MIR2052HG: variants seen among roughly 807,000 people sequenced by gnomAD.
MIR2052HG encodes the protein MIR2052 host gene.
At chr8:74,601,423 CTGCT>C (rs1172894351) in intron 1 of MIR2052HG, among the ~76,000 whole-genome samples, 1 of 152,172 alleles carries the variant, frequency 6.6e-6, no homozygotes, top group African/African-American at 2.4e-5. Context: ...CCTACAGAGA[CTGCT>C]TGACTCCCTC....
At position 74,754,045 on chromosome 8, in the gene MIR2052HG, C is replaced by T. The variant is rs966155937; in HGVS notation, n.464+1512C>T. Among the ~76,000 whole-genome samples the T allele has an allele frequency of 2.6e-5, 4 of 152,250 alleles. No individual in the cohort carries two copies. In the South Asian group the frequency reaches 8.3e-4, roughly 32 times the overall value. On this transcript the variant is annotated intron_variant and non_coding_transcript_variant, in intron 5 of 6. Coordinates refer to ENST00000523442, the Ensembl canonical transcript of MIR2052HG. ...AGTTAGGACATGAGCTCTGAATCAGCCTTTGCTTTACCTGTCTCACTTTTT... is the reference window on the plus strand; with the variant it reads ...AGTTAGGACATGAGCTCTGAATCAGTCTTTGCTTTACCTGTCTCACTTTTT...
chr8:74,685,952 T>A (rs1410481239), intron 2 of MIR2052HG, among the ~76,000 whole-genome samples: 1 of 152,030 alleles, frequency 6.6e-6, no homozygotes, highest in Non-Finnish European at 1.5e-5. Context: ...CTTTTTAAGA[T>A]CATCTAGGTG....
At chr8:74,718,511 C>T (rs757793862) in intron 4 of MIR2052HG, among the ~76,000 whole-genome samples, 5 of 152,146 alleles carry the variant, frequency 3.3e-5, no homozygotes, top group Non-Finnish European at 7.3e-5. Flanking sequence ...AGAGGGCATA[C>T]TTCTTCCTTT....
At chr8:74,675,918 C>T (rs1456367383) in intron 2 of MIR2052HG, among the ~76,000 whole-genome samples, 2 of 151,822 alleles carry the variant, frequency 1.3e-5, no homozygotes, top group African/African-American at 2.4e-5. Flanking sequence ...CTTAAATTTA[C>T]AATGTATTAA....
At chr8:74,723,422 T>C (rs1001408996) in intron 4 of MIR2052HG, among the ~76,000 whole-genome samples, 7 of 152,212 alleles carry the variant, frequency 4.6e-5, no homozygotes. Flanking sequence ...TAGTGTGTGA[T>C]GGAAAGAGCC....
chr8:74,604,239 T>G (rs878989640), intron 1 of MIR2052HG: 14 of 886,974 alleles, frequency 1.6e-5, no homozygotes, highest in South Asian at 5.2e-5. Context: ...TCACACTGGT[T>G]TCCATGTCGA....
At chr8:74,709,837 G>C (rs978989075) in intron 4 of MIR2052HG, among the ~76,000 whole-genome samples, 2 of 152,082 alleles carry the variant, frequency 1.3e-5, no homozygotes, top group Non-Finnish European at 2.9e-5. Context: ...TTACTTTTTT[G>C]AGTGAGTGAT....
intron 2 of MIR2052HG, among the ~76,000 whole-genome samples, chr8:74,630,436 A>G (rs1195596888): frequency 1.3e-5 from 2 of 151,878 alleles, no homozygotes; most frequent in African/African-American, 4.8e-5. Context: ...AGCCAAGAGG[A>G]AATGGTTAAG....
intron 1 of MIR2052HG, among the ~76,000 whole-genome samples, chr8:74,605,863 G>T (rs1808102820): frequency 1.3e-5 from 2 of 152,082 alleles, no homozygotes; most frequent in East Asian, 3.9e-4. Flanking sequence ...ATAAATTATA[G>T]TATCAATGTA....
At chr8:74,662,131 G>T (rs1000388187) in intron 2 of MIR2052HG, among the ~76,000 whole-genome samples, 9 of 152,098 alleles carry the variant, frequency 5.9e-5, no homozygotes, top group African/African-American at 2.2e-4. Context: ...GAGTATCACG[G>T]TTTTGAAACA....
At position 74,682,694 on chromosome 8, in the gene MIR2052HG, T is replaced by C. The variant is rs376248356; in HGVS notation, n.217-19685T>C. ...GTGCTCCAATGTTGCTGTGGGAAAC[T>C]ATATGGTGCAACCACTAGGAACATG... On this transcript the variant is annotated intron_variant and non_coding_transcript_variant, in intron 2 of 6. Coordinates refer to ENST00000523442, the Ensembl canonical transcript of MIR2052HG. 1.3e-4 allele frequency among the ~76,000 whole-genome samples: 20 copies of C among 152,262 alleles called. No individual in the cohort carries two copies. The South Asian group carries it at 3.3e-3, about 25-fold the overall frequency.
intron 4 of MIR2052HG, among the ~76,000 whole-genome samples, chr8:74,712,524 C>T (rs1335554976): frequency 6.6e-6 from 1 of 152,032 alleles, no homozygotes; most frequent in Non-Finnish European, 1.5e-5. Flanking sequence ...CCTCAGCAGA[C>T]CAGGGAATTA....
intron 4 of MIR2052HG, among the ~76,000 whole-genome samples, chr8:74,748,230 C>A (rs1809907385): frequency 6.6e-6 from 1 of 152,186 alleles, no homozygotes; most frequent in African/African-American, 2.4e-5. Flanking sequence ...ACTTGATGGA[C>A]CTGTTAAATA....
At chr8:74,663,923 A>G (rs1385161048) in intron 2 of MIR2052HG, among the ~76,000 whole-genome samples, 1 of 152,166 alleles carries the variant, frequency 6.6e-6, no homozygotes. Context: ...TTCCTTTTCC[A>G]TATTCCACCG....
chr8:74,655,976 A>G (rs903522243), intron 2 of MIR2052HG, among the ~76,000 whole-genome samples: 10 of 152,186 alleles, frequency 6.6e-5, no homozygotes, highest in Admixed American at 4.6e-4. Flanking sequence ...TGGATGTAAG[A>G]CATGGGGTCA....
chr8:74,602,767 G>A (rs1037563610), intron 1 of MIR2052HG, among the ~76,000 whole-genome samples: 10 of 149,840 alleles, frequency 6.7e-5, no homozygotes, highest in Admixed American at 4.7e-4. Context: ...CACCTGCCTC[G>A]GCCTCCCAAA....
Position 74,638,155 on chromosome 8 carries a change from G to A in MIR2052HG, n.216+25215G>A, listed in dbSNP as rs184155385. Among the ~76,000 whole-genome samples, 3 of 152,296 alleles carry A rather than the reference G, an allele frequency of 2.0e-5. No individual in the cohort carries two copies. In the East Asian group the frequency reaches 5.8e-4, roughly 29 times the overall value. On this transcript the variant is annotated intron_variant and non_coding_transcript_variant, in intron 2 of 6. Coordinates refer to ENST00000523442, the Ensembl canonical transcript of MIR2052HG. ...AAAGGGAGTTATCAGAGGGATGGTT[G>A]ATGGAAGTTGGGGAGAGATAGAGAG...
chr8:74,753,411 A>C (rs1449397772), intron 5 of MIR2052HG, among the ~76,000 whole-genome samples: 1 of 152,230 alleles, frequency 6.6e-6, no homozygotes, highest in Non-Finnish European at 1.5e-5. Context: ...AATAAATTGC[A>C]TCAATATTTT....
At chr8:74,610,702 T>C (rs906027772) in intron 1 of MIR2052HG, among the ~76,000 whole-genome samples, 1 of 152,054 alleles carries the variant, frequency 6.6e-6, no homozygotes, top group Non-Finnish European at 1.5e-5. Flanking sequence ...AATTGATTTT[T>C]GACAAGGAAC....
Sources: allele counts gnomAD v4.1 joint callset (sites outside exome capture counted in the v4.1 genomes callset), GRCh38; gene constraint gnomAD v4.1.1; transcripts MANE v1.5; gene names NCBI Gene and HGNC (gene_info 2026-07-23, HGNC 2026-07-21).